COPE: variants seen among roughly 807,000 people sequenced by gnomAD.
The protein encoded by COPE is coatomer subunit epsilon.
COPE carries 19 observed loss-of-function variants against 42.1 expected under a neutral mutation model. That is an observed-to-expected ratio of 0.45 (90% CI 0.31 to 0.66). COPE has a LOEUF of 0.66. Ranked by LOEUF, COPE falls within the 30% of genes least tolerant of loss-of-function variation. The pLI, the probability that COPE is intolerant of heterozygous loss-of-function variation, is 0.05. For missense variants in COPE, 402 were observed against 416.1 expected, an observed-to-expected ratio of 0.97 and a Z score of 0.30; for synonymous variants, 195 against 181.3, an observed-to-expected ratio of 1.08 and a Z score of -0.60.
chr19:18,904,516 G>A (rs1415415729), intron 6 of COPE, among the ~76,000 whole-genome samples: 1 of 152,222 alleles, frequency 6.6e-6, no homozygotes, highest in Non-Finnish European at 1.5e-5. Context: ...CCAGACCCTC[G>A]AGTACCCCTG....
At chr19:18,899,844 C>A (rs2146094424) in intron 9 of COPE, 29 bp downstream of exon 9, 2 of 1,612,320 alleles carry the variant, frequency 1.2e-6, no homozygotes, top group East Asian at 4.5e-5. Flanking sequence ...TGGCCTGGTT[C>A]TCGGGGACAG....
chr19:18,911,473 G>T (rs1194782596), intron 2 of COPE: 1 of 219,618 alleles, frequency 4.6e-6, no homozygotes, highest in Non-Finnish European at 9.5e-6. Flanking sequence ...GCCCTCTGAG[G>T]ATGCCCAGAC....
rs1601216529 is a variant in COPE, at chr19:18,904,967, C to T, written c.498-115G>A. On this transcript the variant is annotated intron_variant, in intron 5 of 9. Coordinates refer to ENST00000262812, the MANE Select transcript of COPE (RefSeq NM_007263.4). ...GCCTGGGGATGGCCCCTGCTTTGTG[C>T]TCCACTGCATGCTCATACCCCACGA... is the stretch of plus-strand genomic sequence containing the variant. 7.9e-6 allele frequency: 8 copies of T among 1,014,116 alleles called. No individual in the cohort carries two copies. The East Asian group carries it at 1.6e-4, about 20-fold the overall frequency. The allele number at this position is 1,014,116 out of a possible 1,614,324, so 62.8% of individuals were successfully genotyped here.
At chr19:18,915,439 G>A (rs1466099112) in intron 1 of COPE, among the ~76,000 whole-genome samples, 2 of 152,240 alleles carry the variant, frequency 1.3e-5, no homozygotes, top group East Asian at 1.9e-4. Flanking sequence ...ACCCTGACGT[G>A]AGGCTCTGGA....
intron 2 of COPE, 89 bp from the exon 3 acceptor site, chr19:18,911,160 G>C: frequency 8.3e-7 from 1 of 1,211,718 alleles, no homozygotes; most frequent in Non-Finnish European, 1.2e-6. Context: ...CAGACAGGAA[G>C]TCCCTGCCCC....
intron 5 of COPE, 94 bp from the exon 6 acceptor site, chr19:18,904,946 G>A (rs2056744570): frequency 7.9e-7 from 1 of 1,261,408 alleles, no homozygotes; most frequent in South Asian, 1.3e-5. Flanking sequence ...ACCGGAGCCT[G>A]GGGATGGCCC....
chr19:18,907,253 A>G, intron 3 of COPE, 141 bp from the exon 4 acceptor site: 1 of 874,176 alleles, frequency 1.1e-6, no homozygotes, highest in Non-Finnish European at 1.7e-6. Flanking sequence ...CCGAGCATCG[A>G]GCTGTCCCGA....
chr19:18,900,266 T>G, intron 8 of COPE, 115 bp downstream of exon 8: 2 of 856,396 alleles, frequency 2.3e-6, no homozygotes, highest in Non-Finnish European at 1.8e-6. Flanking sequence ...TGGGCTGCGG[T>G]AGGCATACTG....
rs980291450 is a variant in COPE at position 18,902,072 on chromosome 19, C to T, written c.735+1196G>A. On this transcript the variant is annotated intron_variant, in intron 7 of 9. Transcript: ENST00000262812. ...GTGGGCGCCTGTAGTCCCAGCTACTCGGGAGGCTGAGGCAGGAGAATGGCA... is the reference window on the plus strand; with the variant it reads ...GTGGGCGCCTGTAGTCCCAGCTACTTGGGAGGCTGAGGCAGGAGAATGGCA... Among the ~76,000 whole-genome samples the T allele has an allele frequency of 6.0e-5, 9 of 149,624 alleles. No homozygotes were observed. In the East Asian group the frequency reaches 1.6e-3, roughly 27 times the overall value.
chr19:18,907,238 G>T, intron 3 of COPE, 126 bp from the exon 4 acceptor site: 1 of 978,964 alleles, frequency 1.0e-6, no homozygotes, highest in East Asian at 2.7e-5. Context: ...CAGAGCAGCA[G>T]CAGGCCGAGC....
chr19:18,911,115 G>A, intron 2 of COPE, 44 bp from the exon 3 acceptor site: 5 of 1,547,704 alleles, frequency 3.2e-6, no homozygotes, highest in Non-Finnish European at 4.5e-6. Flanking sequence ...CCACCCCAGA[G>A]GATTTCCATG....
At chr19:18,899,789 A>G in intron 9 of COPE, 63 bp from the exon 10 acceptor site, 2 of 1,610,484 alleles carry the variant, frequency 1.2e-6, no homozygotes, top group Non-Finnish European at 1.7e-6. Context: ...GTGGAGGGAG[A>G]GAGAGAGGGC....
chr19:18,913,863 G>A (rs2056832156), intron 1 of COPE, among the ~76,000 whole-genome samples: 1 of 152,188 alleles, frequency 6.6e-6, no homozygotes, highest in Non-Finnish European at 1.5e-5. Flanking sequence ...CAAGGCACAG[G>A]GTCAAAGGAC....
chr19:18,917,236 TTTTTC>T (rs1452428977), intron 1 of COPE, among the ~76,000 whole-genome samples: 4 of 125,930 alleles, frequency 3.2e-5, no homozygotes, highest in Non-Finnish European at 7.2e-5. Context: ...AAACATTCTT[TTTTTC>T]TTTTTTTTTT....
At chr19:18,901,198 C>T (rs554753234) in intron 7 of COPE, among the ~76,000 whole-genome samples, 4 of 152,340 alleles carry the variant, frequency 2.6e-5, no homozygotes, top group East Asian at 3.9e-4. Flanking sequence ...CCAAGGGGCA[C>T]GGCCAGCCAG....
chr19:18,902,756 G>GA (rs755506365), intron 7 of COPE, among the ~76,000 whole-genome samples: 5,782 of 44,144 alleles, frequency 0.13, 1,421 homozygotes, highest in African/African-American at 0.2. Context: ...GGAAAGGAAG[G>GA]AAGGAAGGAA....
At chr19:18,910,679 A>C in intron 3 of COPE, 2 of 429,740 alleles carry the variant, frequency 4.7e-6, no homozygotes, top group Non-Finnish European at 8.7e-6. Context: ...GCTGCTCGGT[A>C]ATTGATATTT....
At position 18,904,225 on chromosome 19, in the gene COPE, G is replaced by A. The variant is rs1279640695; in HGVS notation, c.579+546C>T. Among the ~76,000 whole-genome samples, 5 of 152,192 alleles carry A rather than the reference G, an allele frequency of 3.3e-5. No homozygotes were observed. In the East Asian group the frequency reaches 7.7e-4, roughly 24 times the overall value. On this transcript the variant is annotated intron_variant, in intron 6 of 9. Transcript: ENST00000262812. ...CATGATCCACCCGCCTCGGCCTCCC[G>A]AAGTGCTGGGATTACAGGCGTGAGC...
intron 1 of COPE, among the ~76,000 whole-genome samples, chr19:18,918,864 G>T (rs903645260): frequency 1.3e-5 from 2 of 152,166 alleles, no homozygotes; most frequent in African/African-American, 4.8e-5. Flanking sequence ...GTCCTTCTCT[G>T]AACTTTAGGG....
Sources: gnomAD v4.1 joint callset for allele counts (sites outside exome capture counted in the v4.1 genomes callset) on GRCh38, gnomAD v4.1.1 for gene constraint, MANE v1.5 for transcripts, NCBI Gene and HGNC (gene_info 2026-07-23, HGNC 2026-07-21) for gene names.